EBF3: variants seen among roughly 807,000 people sequenced by gnomAD.
EBF3 encodes EBF transcription factor 3.
In EBF3, 18 loss-of-function variants were observed where a neutral mutation model predicts 77.1. The ratio of observed to expected loss-of-function variants is 0.23; its 90% confidence interval spans 0.16 to 0.35. The LOEUF is 0.35. Among genes scored for constraint, EBF3 ranks in the 10% least tolerant of loss-of-function variants. The pLI, the probability that EBF3 is intolerant of heterozygous loss-of-function variation, is 1.00. For synonymous variants in EBF3, 350 were observed against 343.5 expected (o/e 1.02, Z -0.21); for missense variants, 558 against 860.0 (o/e 0.65, Z 4.39).
At chr10:129,958,825 G>T in intron 5 of EBF3, 109 bp downstream of exon 5, 1 of 1,375,984 alleles carries the variant, frequency 7.3e-7, no homozygotes. Flanking sequence ...TTCAATCGAT[G>T]CCCTTCCCGG....
chr10:129,950,199 C>T (rs905401108), intron 6 of EBF3, among the ~76,000 whole-genome samples: 1 of 152,188 alleles, frequency 6.6e-6, no homozygotes, highest in Non-Finnish European at 1.5e-5. Flanking sequence ...ACAACACAAC[C>T]GCGAGCCCCT....
intron 8 of EBF3, 132 bp from the exon 9 acceptor site, chr10:129,868,044 GGCAACCGTAGATCA>G: frequency 8.2e-7 from 1 of 1,225,734 alleles, no homozygotes; most frequent in African/African-American, 1.5e-5. Context: ...GCACGCAAAG[GGCAACCGTAGATCA>G]GCATGTTGAT....
At chr10:129,865,946 C>A (rs996266317) in intron 10 of EBF3, among the ~76,000 whole-genome samples, 1 of 152,174 alleles carries the variant, frequency 6.6e-6, no homozygotes, top group African/African-American at 2.4e-5. Flanking sequence ...GGACACCAGG[C>A]CACAGTCACC....
At chr10:129,888,484 A>G (rs1220953340) in intron 6 of EBF3, among the ~76,000 whole-genome samples, 2 of 152,268 alleles carry the variant, frequency 1.3e-5, no homozygotes. Flanking sequence ...GCGGAGGCCC[A>G]GTCCCACTGG....
chr10:129,905,576 G>C (rs1027086737), intron 6 of EBF3, among the ~76,000 whole-genome samples: 2 of 152,148 alleles, frequency 1.3e-5, no homozygotes, highest in African/African-American at 4.8e-5. Context: ...TCCAAGGACT[G>C]ACCCTACCTG....
chr10:129,836,442 C>T lies in EBF3; in HGVS notation c.*1501G>A, dbSNP rs953075427. The T allele has an allele frequency of 2.0e-5, 3 of 152,702 alleles. No homozygotes were observed. In the East Asian group the frequency reaches 5.8e-4, roughly 29 times the overall value. The allele number at this position is 152,702 out of a possible 1,614,324, so 9.5% of individuals were successfully genotyped here. On this transcript the variant is annotated 3_prime_UTR_variant, in exon 17 of 17. Transcript: ENST00000440978. ...AGCCCCAAACGGTGTCACCTCTTCG[C>T]GGCCGCTCCACATGCACAGAATCTA...
At chr10:129,919,245 T>C (rs1283958925) in intron 6 of EBF3, among the ~76,000 whole-genome samples, 3 of 151,904 alleles carry the variant, frequency 2.0e-5, no homozygotes, top group South Asian at 2.1e-4. Context: ...AAAAGCAACA[T>C]TGGAGCTGAG....
intron 5 of EBF3, 95 bp from the exon 6 acceptor site, chr10:129,957,421 C>T (rs987306686): frequency 1.4e-5 from 14 of 1,016,916 alleles, no homozygotes; most frequent in South Asian, 7.8e-5. Context: ...GACAATGAAG[C>T]GGTAGGAGTC....
rs1254074627 is a variant in EBF3, at chr10:129,938,375, AT to A, written c.554+18882del. ...GGCAACATGGCAAAACCCCATCTCT[AT>A]TTAAAAAAAAAAAAAAAAAAGACAA... On this transcript the variant is annotated intron_variant, in intron 6 of 16. Transcript: ENST00000440978. This position sits in a 1 kb window ranked among gnomAD's most constrained non-coding sequence, Gnocchi z 5.1. Among the ~76,000 whole-genome samples the A allele has an allele frequency of 1.1e-4, 7 of 63,910 alleles. No individual in the cohort carries two copies. Among genetic ancestry groups the A allele is most frequent in the African/African-American group, 3.0e-4 (5 of 16,504 alleles). 41.9% of individuals were successfully genotyped at this position (63,910 alleles called of 152,430 possible).
rs891499364 is a variant in EBF3, at chr10:129,870,786, G to T, written c.781+2666C>A. On this transcript the variant is annotated intron_variant, in intron 8 of 16. Coordinates refer to ENST00000440978, the MANE Select transcript of EBF3 (RefSeq NM_001375380.1). The surrounding 1 kb of genome is among the most constrained non-coding windows in gnomAD (Gnocchi z 4.4). ...CCGTGTTGGAGACCCATATCTTTGGGTTTTTTTCCTTTCTTTTGGGGTCTC... is the reference window on the plus strand; with the variant it reads ...CCGTGTTGGAGACCCATATCTTTGGTTTTTTTTCCTTTCTTTTGGGGTCTC... Among the ~76,000 whole-genome samples, 10 of 152,022 alleles carry T rather than the reference G, an allele frequency of 6.6e-5. No individual in the cohort carries two copies. Among genetic ancestry groups the T allele is most frequent in the Non-Finnish European group, 1.0e-4 (7 of 68,026 alleles).
intron 6 of EBF3, among the ~76,000 whole-genome samples, chr10:129,948,615 GGGAAA>G (rs1322533445): frequency 6.7e-5 from 10 of 149,330 alleles, no homozygotes; most frequent in Non-Finnish European, 1.2e-4. Flanking sequence ...TTAACACTGG[GGGAAA>G]CTGGGGGGTG....
At chr10:129,855,642 C>A (rs1851200314) in intron 10 of EBF3, among the ~76,000 whole-genome samples, 1 of 152,108 alleles carries the variant, frequency 6.6e-6, no homozygotes, top group Admixed American at 6.5e-5. Context: ...GAAGGCTGTT[C>A]TAACGTTTTA....
chr10:129,942,589 C>T (rs12570278), intron 6 of EBF3, among the ~76,000 whole-genome samples: 335 of 152,232 alleles, frequency 2.2e-3, no homozygotes, highest in East Asian at 8.1e-3. Context: ...ACTCGGGCCC[C>T]GGGGCACTGG....
chr10:129,940,789 G>A lies in EBF3; in HGVS notation c.554+16469C>T, dbSNP rs535846226. Among the ~76,000 whole-genome samples, 11 of 152,284 alleles carry A rather than the reference G, an allele frequency of 7.2e-5. No individual in the cohort carries two copies. The East Asian group carries it at 7.8e-4, about 11-fold the overall frequency. On this transcript the variant is annotated intron_variant, in intron 6 of 16. Transcript: ENST00000440978. ...GGTGGCCCAGGATGCCAGGGGAACC[G>A]CGGGGGAGTCTGGGCATGGGAAGGC...
chr10:129,880,466 T>C (rs1018795560), intron 6 of EBF3, among the ~76,000 whole-genome samples: 3 of 151,764 alleles, frequency 2.0e-5, no homozygotes, highest in Admixed American at 1.3e-4. Flanking sequence ...TGCAGACACA[T>C]GCACACATAC....
chr10:129,945,483 G>A (rs774559338), intron 6 of EBF3, among the ~76,000 whole-genome samples: 53 of 152,212 alleles, frequency 3.5e-4, no homozygotes, highest in Admixed American at 2.8e-3. Context: ...ACAGTCCTCC[G>A]GCCTCCACTG....
chr10:129,842,701 T>C lies in EBF3; in HGVS notation c.1195-408A>G, dbSNP rs910803887. ...ATCGCTTGAACCTGGGAGGTGGAGG[T>C]TGCAGTGAACCGACACTGCCCTACT... On this transcript the variant is annotated intron_variant, in intron 12 of 16. Coordinates refer to ENST00000440978, the MANE Select transcript of EBF3 (RefSeq NM_001375380.1). This position sits in a 1 kb window ranked among gnomAD's most constrained non-coding sequence, Gnocchi z 4.4. Among the ~76,000 whole-genome samples, 4 of 146,358 alleles carry C rather than the reference T, an allele frequency of 2.7e-5. No individual in the cohort carries two copies. Among genetic ancestry groups the C allele is most frequent in the Non-Finnish European group, 4.5e-5 (3 of 67,350 alleles).
intron 6 of EBF3, among the ~76,000 whole-genome samples, chr10:129,940,776 T>C (rs1276987369): frequency 1.3e-5 from 2 of 152,104 alleles, no homozygotes; most frequent in Non-Finnish European, 2.9e-5. Context: ...TGGCCCAGGA[T>C]GCCAGGGGAA....
rs540155106 is a variant in EBF3, at chr10:129,881,534, G to A, written c.555-3685C>T. ...ACTCGGAAACAGCCCACAGAATCCT[G>A]GGAAGTTCTCAGGAACCAGCAGAAG... is the stretch of plus-strand genomic sequence containing the variant. On this transcript the variant is annotated intron_variant, in intron 6 of 16. Coordinates refer to ENST00000440978, the MANE Select transcript of EBF3 (RefSeq NM_001375380.1). Among the ~76,000 whole-genome samples the A allele has an allele frequency of 4.6e-5, 7 of 152,290 alleles. No individual in the cohort carries two copies. In the South Asian group the frequency reaches 1.5e-3, roughly 32 times the overall value.
Sources: gnomAD v4.1 joint callset for allele counts (sites outside exome capture counted in the v4.1 genomes callset) on GRCh38, gnomAD v4.1.1 for gene constraint, Gnocchi (gnomAD v3.1) non-coding constraint, MANE v1.5 for transcripts, NCBI Gene and HGNC (gene_info 2026-07-23, HGNC 2026-07-21) for gene names.